Variants in RBM6 observed in about 807,000 individuals in gnomAD.
The protein encoded by RBM6 is RNA binding motif protein 6.
A neutral mutation model predicts 140.4 loss-of-function variants in RBM6; 23 were observed. That is an observed-to-expected ratio of 0.16 (90% CI 0.12 to 0.23). The LOEUF (loss-of-function observed/expected upper bound fraction) is 0.23. RBM6 is among the 10% of genes least tolerant of loss of function. The pLI, the probability that RBM6 is intolerant of heterozygous loss-of-function variation, is 1.00. For synonymous variants in RBM6, 439 were observed against 475.6 expected (o/e 0.92, Z 1.00); for missense variants, 1,139 against 1,386.7 (o/e 0.82, Z 2.84).
At chr3:50,003,128 A>G (rs755996757) in intron 6 of RBM6, among the ~76,000 whole-genome samples, 1 of 151,894 alleles carries the variant, frequency 6.6e-6, no homozygotes, top group Non-Finnish European at 1.5e-5. Flanking sequence ...AAAACAATAA[A>G]ATTGAATAAA....
chr3:50,077,095 C>T lies in RBM6; in HGVS notation c.3334C>T (p.Arg1112Ter). 1.2e-6 allele frequency: 2 copies of T among 1,612,990 alleles called. No individual in the cohort carries two copies. Among genetic ancestry groups the T allele is most frequent in the Non-Finnish European group, 1.7e-6 (2 of 1,179,788 alleles). Residue 1112 changes from arginine (R) to a stop codon, truncating the protein, a stop_gained, in exon 21 of 21, where the codon CGA (arginine) becomes TGA (stop). Coordinates refer to ENST00000266022, the MANE Select transcript of RBM6 (RefSeq NM_005777.3). LOFTEE classifies it high-confidence loss of function. Reference sequence around the variant, plus strand: ...CAACGAGACTTACCGAGATGCTGTTCGAAGAGTCATGTTTGCTCGATATAA... The same window carrying T: ...CAACGAGACTTACCGAGATGCTGTTTGAAGAGTCATGTTTGCTCGATATAA... ...QSNETYRDAVRRVMFARYKEL... is the reference protein window; with the variant it reads ...QSNETYRDAV
chr3:50,062,892 C>CT lies in RBM6; in HGVS notation c.2586+801dup, dbSNP rs36101209. 3.2e-3 allele frequency among the ~76,000 whole-genome samples: 405 copies of CT among 128,444 alleles called. 4 individuals are homozygous for CT. The highest frequency in any genetic ancestry group is 8.1e-3 in the Middle Eastern group (2 of 246). 84.3% of individuals were successfully genotyped at this position (128,444 alleles called of 152,430 possible). A position where few individuals can be genotyped will look rare whatever the true frequency, so the allele number is the denominator to read the frequency against. ...TTCTCTTTCTAATCTTTTCTTTTTC[C>CT]TTTTTTTTTTTTTTTTTCTGAGACA... On this transcript the variant is annotated intron_variant, in intron 15 of 20. Coordinates refer to ENST00000266022, the MANE Select transcript of RBM6 (RefSeq NM_005777.3).
chr3:50,056,597 AATAG>A (rs2089712549), intron 8 of RBM6, among the ~76,000 whole-genome samples: 2 of 152,212 alleles, frequency 1.3e-5, no homozygotes, highest in African/African-American at 4.8e-5. Context: ...CCCGGCCATG[AATAG>A]ATAGTGTATG....
chr3:50,038,615 A>C (rs537640712), intron 6 of RBM6, among the ~76,000 whole-genome samples: 11 of 152,302 alleles, frequency 7.2e-5, no homozygotes, highest in African/African-American at 2.6e-4. Flanking sequence ...GCGGATCATG[A>C]GGTCCGGAGA....
At chr3:50,059,868 AG>A in intron 11 of RBM6, 122 bp downstream of exon 11, 1 of 696,122 alleles carries the variant, frequency 1.4e-6, no homozygotes. Flanking sequence ...TGCTTCAGAT[AG>A]GTGTTTATTA....
chr3:49,944,672 C>T (rs935361315), intron 1 of RBM6, among the ~76,000 whole-genome samples: 1 of 151,498 alleles, frequency 6.6e-6, no homozygotes, highest in Non-Finnish European at 1.5e-5. Context: ...GAAGGAGTTT[C>T]GCCATGTTGG....
chr3:49,959,622 G>A (rs1358199882), intron 1 of RBM6, among the ~76,000 whole-genome samples: 26 of 146,292 alleles, frequency 1.8e-4, no homozygotes, highest in African/African-American at 6.6e-4. Context: ...CCAGGCTGGA[G>A]TGCAGTGGTG....
chr3:49,940,291 C>T (rs921217517), intron 1 of RBM6, 66 bp downstream of exon 1: 1 of 152,306 alleles, frequency 6.6e-6, no homozygotes, highest in South Asian at 2.1e-4. Context: ...CAGACAGGCC[C>T]GCTCTAGACA....
In RBM6 at chr3:49,968,529, T is replaced by A. The variant is rs773779624; in HGVS notation, c.1104T>A (p.Asp368Glu). Residue 368 changes from aspartate (D) to glutamate (E), a missense_variant, in exon 3 of 21, where the codon GAT becomes GAA. Coordinates refer to ENST00000266022, the MANE Select transcript of RBM6 (RefSeq NM_005777.3). The part of the protein sequence containing the change: ...QNSQSPVQDQ[D>E]KSQLSGREEQ... Reference sequence around the variant, plus strand: ...GCCAAAGTCCAGTTCAAGACCAAGATAAGTCACAGCTTTCTGGACGTGAAG... The same window carrying A: ...GCCAAAGTCCAGTTCAAGACCAAGAAAAGTCACAGCTTTCTGGACGTGAAG... The A allele has an allele frequency of 8.1e-6, 13 of 1,614,212 alleles. No homozygotes were observed. The highest frequency in any genetic ancestry group is 1.0e-5 in the Non-Finnish European group (12 of 1,180,046).
At chr3:50,058,050 G>A in intron 9 of RBM6, 47 bp downstream of exon 9, 1 of 1,583,538 alleles carries the variant, frequency 6.3e-7, no homozygotes. Context: ...CATCACAATG[G>A]AGCATAGATG....
At chr3:49,998,687 A>G (rs750760168) in intron 5 of RBM6, among the ~76,000 whole-genome samples, 3 of 152,210 alleles carry the variant, frequency 2.0e-5, no homozygotes. Context: ...TACAGTTCTT[A>G]AACATGTATT....
At chr3:50,075,470 A>C in intron 20 of RBM6, 140 bp downstream of exon 20, 1 of 1,160,368 alleles carries the variant, frequency 8.6e-7, no homozygotes, top group Non-Finnish European at 1.2e-6. Context: ...TGAACACTTT[A>C]GCCTTGAATA....
intron 6 of RBM6, among the ~76,000 whole-genome samples, chr3:50,017,494 C>T (rs921007958): frequency 6.7e-6 from 1 of 148,988 alleles, no homozygotes; most frequent in African/African-American, 2.5e-5. Flanking sequence ...GGAGGTGGAG[C>T]GTGCAGTGAG....
At position 50,017,342 on chromosome 3, in the gene RBM6, G is replaced by A. The variant is rs1481595665; in HGVS notation, c.1557+17829G>A. 2.0e-5 allele frequency among the ~76,000 whole-genome samples: 3 copies of A among 152,208 alleles called. No individual in the cohort carries two copies. The East Asian group carries it at 5.8e-4, about 29-fold the overall frequency. On this transcript the variant is annotated intron_variant, in intron 6 of 20. Transcript: ENST00000266022. The stretch of plus-strand genomic sequence containing the variant: ...GGAGGCCGAGGCGGGTGGATCACGA[G>A]GTCAGGAGATCGAGACCATCCTGGC...
chr3:49,970,874 A>G (rs1314775673), intron 3 of RBM6, among the ~76,000 whole-genome samples: 3 of 152,112 alleles, frequency 2.0e-5, no homozygotes, highest in African/African-American at 4.8e-5. Context: ...TCATGCCTGT[A>G]ATCCCAACAC....
intron 17 of RBM6, among the ~76,000 whole-genome samples, chr3:50,066,831 A>AAAAACAAAAC (rs60655677): frequency 0.65 from 97,229 of 149,592 alleles, 32,215 homozygotes; most frequent in East Asian, 0.88. Flanking sequence ...CCATCTCTTA[A>AAAAACAAAAC]AAAACAAAAC....
intron 5 of RBM6, among the ~76,000 whole-genome samples, chr3:49,977,803 A>G (rs1559545832): frequency 1.3e-5 from 2 of 152,204 alleles, no homozygotes; most frequent in Admixed American, 1.3e-4. Context: ...TCTAAGAACT[A>G]TAGTGTTTAC....
At chr3:49,945,065 C>T (rs1447334851) in intron 1 of RBM6, among the ~76,000 whole-genome samples, 6 of 151,316 alleles carry the variant, frequency 4.0e-5, no homozygotes, top group African/African-American at 9.7e-5. Flanking sequence ...TTAGTAGAGA[C>T]GGGGTTTCAC....
chr3:50,021,154 G>A (rs1409271105), intron 6 of RBM6, among the ~76,000 whole-genome samples: 1 of 152,144 alleles, frequency 6.6e-6, no homozygotes, highest in East Asian at 1.9e-4. Context: ...AGAATATGTA[G>A]TTCGCTGTTG....
Sources: gnomAD v4.1 joint callset for allele counts (sites outside exome capture counted in the v4.1 genomes callset) on GRCh38, gnomAD v4.1.1 for gene constraint, MANE v1.5 for transcripts, NCBI Gene and HGNC (gene_info 2026-07-23, HGNC 2026-07-21) for gene names.